The following SNAPC3 variants were observed in gnomAD, a reference collection of about 807,000 sequenced individuals.
SNAPC3 encodes the protein snRNA-activating protein complex subunit 3.
SNAPC3 carries 56 observed loss-of-function variants against 47.7 expected under a neutral mutation model. The ratio of observed to expected loss-of-function variants is 1.18; its 90% CI spans 0.95 to 1.47. SNAPC3 has a LOEUF of 1.47. Ranked by LOEUF, SNAPC3 falls within the 40% of genes most tolerant of loss-of-function variation. The probability of loss-of-function intolerance (pLI) is 0.00; values close to 1 mark genes in which losing one functional copy is unlikely to be tolerated. For missense variants in SNAPC3, 665 were observed against 511.3 expected, an observed-to-expected ratio of 1.30 and a Z score of -2.90; for synonymous variants, 235 against 189.9, an observed-to-expected ratio of 1.24 and a Z score of -1.95.
intron 3 of SNAPC3, among the ~76,000 whole-genome samples, chr9:15,438,316 G>A (rs1251707117): frequency 6.6e-6 from 1 of 152,062 alleles, no homozygotes; most frequent in Non-Finnish European, 1.5e-5. Flanking sequence ...TGTAAAATCA[G>A]TAGTAACGTC....
intron 3 of SNAPC3, among the ~76,000 whole-genome samples, chr9:15,440,872 C>T (rs570621871): frequency 6.6e-6 from 1 of 151,114 alleles, no homozygotes; most frequent in African/African-American, 2.4e-5. Context: ...TGGCATGAAC[C>T]CGGGAGGCGG....
chr9:15,447,051 C>T lies in SNAPC3; in HGVS notation c.583-44C>T, dbSNP rs776624290. On this transcript the variant is annotated intron_variant, in intron 4 of 8. Transcript: ENST00000380821. ...GTCATGACAGGATTTGTAGTTTTAT[C>T]GCTTTGTCTCTAAATGAACACTTAT... is the stretch of plus-strand genomic sequence containing the variant. 32 of 1,547,758 alleles carry T rather than the reference C, an allele frequency of 2.1e-5. No individual in the cohort carries two copies. The Admixed American group carries it at 3.9e-4, about 19-fold the overall frequency.
At chr9:15,442,006 G>A (rs1474843872) in intron 3 of SNAPC3, among the ~76,000 whole-genome samples, 1 of 151,956 alleles carries the variant, frequency 6.6e-6, no homozygotes, top group African/African-American at 2.4e-5. Flanking sequence ...CGGACAGGGC[G>A]GCGGCCAGGC....
intron 5 of SNAPC3, among the ~76,000 whole-genome samples, chr9:15,449,552 TATATATA>T (rs1456149545): frequency 2.5e-4 from 9 of 36,162 alleles, no homozygotes; most frequent in Non-Finnish European, 3.6e-4. Context: ...TATATATATA[TATATATA>T]TATATTTTTT....
intron 3 of SNAPC3, among the ~76,000 whole-genome samples, chr9:15,434,303 C>T (rs1434168439): frequency 6.6e-6 from 1 of 152,112 alleles, no homozygotes; most frequent in Non-Finnish European, 1.5e-5. Context: ...ACCAGTTTTC[C>T]CTCCTGCAGC....
chr9:15,439,114 A>G (rs964437926), intron 3 of SNAPC3, among the ~76,000 whole-genome samples: 11 of 151,968 alleles, frequency 7.2e-5, no homozygotes, highest in Admixed American at 2.6e-4. Context: ...TGCTCAAGTT[A>G]TCTTCCCACC....
chr9:15,429,767 C>G (rs1337650091), intron 2 of SNAPC3, among the ~76,000 whole-genome samples: 1 of 151,966 alleles, frequency 6.6e-6, no homozygotes, highest in African/African-American at 2.4e-5. Context: ...GAGTTGAGAC[C>G]AAATACATTA....
At chr9:15,428,538 G>C (rs576931015) in intron 2 of SNAPC3, among the ~76,000 whole-genome samples, 41 of 150,214 alleles carry the variant, frequency 2.7e-4, no homozygotes, top group South Asian at 2.3e-3. Context: ...AAGCCTATAA[G>C]TCTGTACTCC....
At position 15,451,303 on chromosome 9, in the gene SNAPC3, A is replaced by T. The variant is rs776056293; in HGVS notation, c.733-17A>T. 1 of 1,063,616 alleles carries T rather than the reference A, an allele frequency of 9.4e-7. No homozygotes were observed. The highest frequency in any genetic ancestry group is 1.4e-6 in the Non-Finnish European group (1 of 725,300). 65.9% of individuals were successfully genotyped at this position (1,063,616 alleles called of 1,614,324 possible). On this transcript the variant is annotated splice_polypyrimidine_tract_variant and intron_variant, in intron 5 of 8. Coordinates refer to ENST00000380821, the MANE Select transcript of SNAPC3 (RefSeq NM_001039697.2). ...TTAATAGTTGATTTTCTCTCAATACAATCTGTTTTCTTGTAGGACCTATAC... is the reference window on the plus strand; with the variant it reads ...TTAATAGTTGATTTTCTCTCAATACTATCTGTTTTCTTGTAGGACCTATAC...
At position 15,460,980 on chromosome 9, in the gene SNAPC3, T is replaced by C. The variant is rs887333587; in HGVS notation, c.*1114T>C. 3 of 152,154 alleles carry C rather than the reference T, an allele frequency of 2.0e-5. No individual in the cohort carries two copies. The highest frequency in any genetic ancestry group is 4.4e-5 in the Non-Finnish European group (3 of 68,024). 9.4% of individuals were successfully genotyped at this position (152,154 alleles called of 1,614,324 possible). ...ATGGAAAAATCAAGATCCTATTGAT[T>C]GCTAGCTCTGGCTCACTTATTCTCC... On this transcript the variant is annotated 3_prime_UTR_variant, in exon 9 of 9. Transcript: ENST00000380821.
intron 2 of SNAPC3, among the ~76,000 whole-genome samples, chr9:15,427,390 C>G (rs879743724): frequency 6.6e-6 from 1 of 152,106 alleles, no homozygotes; most frequent in Non-Finnish European, 1.5e-5. Context: ...ACTCTGTTGC[C>G]CAGGTTAGAG....
In SNAPC3 at chr9:15,444,646, GA is replaced by G; in HGVS notation, c.523del (p.Ile175LeufsTer10). On this transcript the variant is annotated frameshift_variant, in exon 4 of 9. Coordinates refer to ENST00000380821, the MANE Select transcript of SNAPC3 (RefSeq NM_001039697.2). LOFTEE classifies it high-confidence loss of function. ...AAAAGCCTGAAAATTCAGCAGACAT[GA>G]TTGAAGAAGGGGAGCTTATCCTATC... ...GKKPENSADM[I>X]EEGELILSVN... 1 of 1,613,266 alleles carries G rather than the reference GA, an allele frequency of 6.2e-7. No individual in the cohort carries two copies. The highest frequency in any genetic ancestry group is 8.5e-7 in the Non-Finnish European group (1 of 1,179,248).
At chr9:15,431,587 G>C (rs1284919038) in intron 2 of SNAPC3, among the ~76,000 whole-genome samples, 2 of 150,392 alleles carry the variant, frequency 1.3e-5, no homozygotes, top group African/African-American at 4.9e-5. Context: ...CAAAACTATA[G>C]AGACTGATTG....
chr9:15,439,866 C>T (rs897406606), intron 3 of SNAPC3, among the ~76,000 whole-genome samples: 1 of 152,172 alleles, frequency 6.6e-6, no homozygotes, highest in African/African-American at 2.4e-5. Flanking sequence ...ATTGAAACAA[C>T]TTACTTTTAA....
Position 15,457,986 on chromosome 9 carries a change from A to C in SNAPC3, c.1007A>C (p.Asp336Ala). ...IRLVHHDDCL[D>A]RTLYPLLIKK... ...CTTGTGCATCATGATGACTGCTTGG[A>C]TAGGACATTGTATCCCCTCCTTATC... Residue 336 changes from aspartate (D) to alanine (A), a missense_variant, in exon 8 of 9, where the codon GAT (aspartate) becomes GCT (alanine). Transcript: ENST00000380821. 1 of 1,591,668 alleles carries C rather than the reference A, an allele frequency of 6.3e-7. No homozygotes were observed.
chr9:15,443,537 C>T (rs1587310561), intron 3 of SNAPC3, among the ~76,000 whole-genome samples: 4 of 152,132 alleles, frequency 2.6e-5, no homozygotes, highest in African/African-American at 9.7e-5. Context: ...ATTCTCTCTG[C>T]GGTCAATCAG....
chr9:15,451,178 A>G (rs41313979), intron 5 of SNAPC3, 142 bp from the exon 6 acceptor site: 12,549 of 404,538 alleles, frequency 0.031, 226 homozygotes, highest in Middle Eastern at 0.06. Context: ...TATAACAGCA[A>G]TAGGGTAAAA....
intron 3 of SNAPC3, among the ~76,000 whole-genome samples, chr9:15,442,989 C>G (rs1474070774): frequency 1.3e-5 from 2 of 152,190 alleles, no homozygotes; most frequent in Non-Finnish European, 2.9e-5. Flanking sequence ...GCCAACACAG[C>G]GAAACCCCGT....
chr9:15,448,583 G>A (rs1335068711), intron 5 of SNAPC3, among the ~76,000 whole-genome samples: 1 of 152,112 alleles, frequency 6.6e-6, no homozygotes, highest in Non-Finnish European at 1.5e-5. Context: ...AGTGTAATGT[G>A]TGTCCGTCTG....
Sources: gnomAD v4.1 joint callset for allele counts (sites outside exome capture counted in the v4.1 genomes callset) on GRCh38, gnomAD v4.1.1 for gene constraint, MANE v1.5 for transcripts, NCBI Gene and HGNC (gene_info 2026-07-23, HGNC 2026-07-21) for gene names.